NT5M: variants seen among roughly 807,000 people sequenced by gnomAD.
NT5M encodes the protein 5'(3')-deoxyribonucleotidase, mitochondrial.
In NT5M, 22 loss-of-function variants were observed where a neutral mutation model predicts 22.2. The observed-to-expected ratio is 0.99, with a 90% CI of 0.71 to 1.41. The LOEUF is 1.41. Ranked by LOEUF, NT5M falls within the 40% of genes most tolerant of loss-of-function variation. The probability of loss-of-function intolerance (pLI) is 0.00; values close to 1 mark genes in which losing one functional copy is unlikely to be tolerated. For synonymous variants in NT5M, 167 were observed against 133.0 expected, an observed-to-expected ratio of 1.26 and a Z score of -1.76; for missense variants, 322 against 314.8, an observed-to-expected ratio of 1.02 and a Z score of -0.17.
chr17:17,320,904 C>CT (rs1227705353), intron 2 of NT5M, among the ~76,000 whole-genome samples: 2 of 152,000 alleles, frequency 1.3e-5, no homozygotes, highest in African/African-American at 4.8e-5. Context: ...GGGCATTGGA[C>CT]AGAGGGACAC....
intron 3 of NT5M, among the ~76,000 whole-genome samples, chr17:17,325,378 C>T (rs2049244193): frequency 6.6e-6 from 1 of 152,144 alleles, no homozygotes; most frequent in Non-Finnish European, 1.5e-5. Context: ...TTGTGCATGG[C>T]AGTGCTGTCT....
At position 17,344,920 on chromosome 17, in the gene NT5M, G is replaced by C. The variant is rs1440765596; in HGVS notation, c.544+12G>C. ...GCCGGACATCACAGGCAAGTGGCCT[G>C]CGACAGGTGAGGAGCACGTGGGGAG... On this transcript the variant is annotated intron_variant, in intron 4 of 4. Coordinates refer to ENST00000389022, the MANE Select transcript of NT5M (RefSeq NM_020201.4). The C allele has an allele frequency of 6.2e-7, 1 of 1,613,920 alleles. No homozygotes were observed. Among genetic ancestry groups the C allele is most frequent in the Admixed American group, 1.7e-5 (1 of 60,006 alleles).
At chr17:17,314,207 G>C (rs975239685) in intron 2 of NT5M, among the ~76,000 whole-genome samples, 8 of 151,942 alleles carry the variant, frequency 5.3e-5, no homozygotes, top group African/African-American at 1.5e-4. Context: ...CTAATTTTTT[G>C]TATTTTTAGT....
intron 4 of NT5M, chr17:17,345,196 C>T (rs188133337): frequency 9.3e-6 from 11 of 1,179,018 alleles, no homozygotes; most frequent in Non-Finnish European, 1.2e-5. Flanking sequence ...AACATGGGGA[C>T]TCAACTCTGG....
chr17:17,333,002 A>G (rs1480847079), intron 3 of NT5M, among the ~76,000 whole-genome samples: 1 of 152,188 alleles, frequency 6.6e-6, no homozygotes, highest in East Asian at 1.9e-4. Context: ...CTTGCTCCCT[A>G]TCCTTGTCAG....
intron 2 of NT5M, among the ~76,000 whole-genome samples, chr17:17,308,661 A>G (rs1260010941): frequency 1.3e-5 from 2 of 152,104 alleles, no homozygotes; most frequent in Admixed American, 1.3e-4. Flanking sequence ...TTACAAAACC[A>G]TCCACAAAGT....
intron 3 of NT5M, among the ~76,000 whole-genome samples, chr17:17,336,330 A>G (rs1350669783): frequency 1.3e-5 from 2 of 150,366 alleles, no homozygotes; most frequent in Non-Finnish European, 3.0e-5. Context: ...GTGCCCATTA[A>G]CTCTCTTCAC....
intron 3 of NT5M, among the ~76,000 whole-genome samples, chr17:17,329,347 G>A (rs1467372459): frequency 1.3e-5 from 2 of 152,192 alleles, no homozygotes; most frequent in African/African-American, 4.8e-5. Context: ...TTGAAGCTGA[G>A]GGTTAGCGGC....
intron 3 of NT5M, among the ~76,000 whole-genome samples, chr17:17,330,225 G>A (rs1363616855): frequency 6.7e-6 from 1 of 150,120 alleles, no homozygotes; most frequent in African/African-American, 2.5e-5. Context: ...GCGTGAACCC[G>A]TGAGACAGAG....
chr17:17,340,780 C>T (rs1288768614), intron 3 of NT5M, among the ~76,000 whole-genome samples: 2 of 152,122 alleles, frequency 1.3e-5, no homozygotes, highest in African/African-American at 4.8e-5. Flanking sequence ...CCGCCTTGGC[C>T]TCTCAAAGTG....
In NT5M at chr17:17,311,295, G is replaced by A. The variant is rs536142020; in HGVS notation, c.368+4652G>A. ...GGAGCTTGCAGTGAGCCAAGATTGC[G>A]CCACTGGACTCCAGCCTGGGCCGAC... is the stretch of plus-strand genomic sequence containing the variant. On this transcript the variant is annotated intron_variant, in intron 2 of 4. Transcript: ENST00000389022. 5.3e-5 allele frequency among the ~76,000 whole-genome samples: 8 copies of A among 150,622 alleles called. No individual in the cohort carries two copies. The South Asian group carries it at 1.1e-3, about 20-fold the overall frequency.
At chr17:17,324,136 A>G (rs893051262) in intron 3 of NT5M, among the ~76,000 whole-genome samples, 8 of 149,410 alleles carry the variant, frequency 5.4e-5, no homozygotes, top group African/African-American at 9.8e-5. Flanking sequence ...CGGCCTCCCA[A>G]CGTGCTGGGA....
In NT5M at chr17:17,317,688, G is replaced by A. The variant is rs575546424; in HGVS notation, c.369-5497G>A. 5.3e-5 allele frequency among the ~76,000 whole-genome samples: 8 copies of A among 152,316 alleles called. No individual in the cohort carries two copies. The South Asian group carries it at 1.4e-3, about 28-fold the overall frequency. On this transcript the variant is annotated intron_variant, in intron 2 of 4. Transcript: ENST00000389022. ...AACATTTCCTCCAAATGTTAGGCCG[G>A]GCATGGTGGCTCACGCCTGTTATCC... is the stretch of plus-strand genomic sequence containing the variant.
rs36091965 is a variant in NT5M, at chr17:17,319,213, GA to G, written c.369-3956del. On this transcript the variant is annotated intron_variant, in intron 2 of 4. Transcript: ENST00000389022. ...TGGGCAAGAGTGAGACCTCGTCTTA[GA>G]AAAAAAAAAAAAAAAGTTTCTGAAC... Among the ~76,000 whole-genome samples the G allele has an allele frequency of 5.2e-3, 691 of 133,170 alleles. 8 individuals carry two copies. The highest frequency in any genetic ancestry group is 0.017 in the African/African-American group (603 of 34,972). The allele number at this position is 133,170 out of a possible 152,430, so 87.4% of individuals were successfully genotyped here.
chr17:17,310,811 A>G (rs2048908205), intron 2 of NT5M, among the ~76,000 whole-genome samples: 1 of 151,914 alleles, frequency 6.6e-6, no homozygotes, highest in African/African-American at 2.4e-5. Flanking sequence ...CAGTGAGCCA[A>G]GTTCACACCA....
At position 17,346,877 on chromosome 17, in the gene NT5M, C is replaced by T. The variant is rs754225366; in HGVS notation, c.617C>T (p.Pro206Leu). 9.3e-6 allele frequency: 15 copies of T among 1,609,274 alleles called. No individual in the cohort carries two copies. Among genetic ancestry groups the T allele is most frequent in the East Asian group, 4.5e-5 (2 of 44,874 alleles). ...ACHNQHLQLQ[P>L]PRRRLHSWAD... ...CACAACCAGCACCTGCAGCTGCAGC[C>T]CCCCCGCCGCAGGCTGCACTCGTGG... The change falls in exon 5 of 5, where the codon CCC becomes CTC. Residue 206 changes from proline (P) to leucine (L), a missense_variant. Pro to Leu is a moderately conservative substitution (Grantham distance 98). Coordinates refer to ENST00000389022, the MANE Select transcript of NT5M (RefSeq NM_020201.4).
chr17:17,344,571 C>T (rs2049717695), intron 3 of NT5M, among the ~76,000 whole-genome samples: 1 of 152,186 alleles, frequency 6.6e-6, no homozygotes, highest in Admixed American at 6.5e-5. Flanking sequence ...TGCTTTCTAG[C>T]TACTGGAGTG....
intron 3 of NT5M, 27 bp downstream of exon 3, chr17:17,323,272 C>T (rs1406110792): frequency 6.3e-6 from 10 of 1,598,556 alleles, no homozygotes; most frequent in African/African-American, 1.3e-5. Flanking sequence ...CTCAGCTGAG[C>T]CCTTACCCCA....
chr17:17,335,694 G>A (rs1264114511), intron 3 of NT5M, among the ~76,000 whole-genome samples: 3 of 150,282 alleles, frequency 2.0e-5, no homozygotes, highest in African/African-American at 4.9e-5. Flanking sequence ...GTGCAGTGGC[G>A]CGATCTCTGC....
Sources: allele counts gnomAD v4.1 joint callset (sites outside exome capture counted in the v4.1 genomes callset), GRCh38; gene constraint gnomAD v4.1.1; transcripts MANE v1.5; gene names NCBI Gene and HGNC (gene_info 2026-07-23, HGNC 2026-07-21).